PCDH15: variants seen among roughly 807,000 people sequenced by gnomAD.
PCDH15 encodes the protein protocadherin-15.
PCDH15 carries 129 observed loss-of-function variants against 178.5 expected under a neutral mutation model. That is an observed-to-expected ratio of 0.72 (90% confidence interval 0.63 to 0.84). PCDH15 has a LOEUF of 0.84. Ranked by LOEUF, PCDH15 falls within the 40% of genes least tolerant of loss-of-function variation. The probability of loss-of-function intolerance (pLI) is 0.00; values close to 1 mark genes in which losing one functional copy is unlikely to be tolerated. For missense variants in PCDH15, 2,230 were observed against 2,099.9 expected (o/e 1.06, Z -1.21); for synonymous variants, 800 against 732.0 (o/e 1.09, Z -1.50).
chr10:55,187,685 C>A (rs998401666), intron 1 of PCDH15, among the ~76,000 whole-genome samples: 2 of 151,878 alleles, frequency 1.3e-5, no homozygotes, highest in Non-Finnish European at 2.9e-5. Flanking sequence ...GTTTAAGTGA[C>A]CTATGAGCCA....
chr10:55,224,298 TG>T (rs1401711441), intron 1 of PCDH15, among the ~76,000 whole-genome samples: 2 of 152,152 alleles, frequency 1.3e-5, no homozygotes, highest in Non-Finnish European at 2.9e-5. Flanking sequence ...CTTTGCAATG[TG>T]ACTTCACAAA....
At chr10:53,890,813 A>T (rs1439090599) in intron 26 of PCDH15, among the ~76,000 whole-genome samples, 1 of 152,124 alleles carries the variant, frequency 6.6e-6, no homozygotes, top group African/African-American at 2.4e-5. Context: ...CAATTCTCAG[A>T]TTTTCAGTGA....
chr10:55,548,911 G>C (rs973996734), intron 2 of PCDH15, among the ~76,000 whole-genome samples: 1 of 152,046 alleles, frequency 6.6e-6, no homozygotes, highest in Non-Finnish European at 1.5e-5. Flanking sequence ...AAGAGATAAA[G>C]TGCTTTAAAA....
At chr10:55,450,727 A>C (rs924096237) in intron 2 of PCDH15, among the ~76,000 whole-genome samples, 1 of 151,932 alleles carries the variant, frequency 6.6e-6, no homozygotes, top group Non-Finnish European at 1.5e-5. Context: ...GTTGTTTGAT[A>C]AGGTATATGT....
chr10:55,082,801 CA>C (rs1842076466), intron 2 of PCDH15, among the ~76,000 whole-genome samples: 1 of 151,634 alleles, frequency 6.6e-6, no homozygotes, highest in South Asian at 2.1e-4. Flanking sequence ...ATTGGGAATA[CA>C]TTGATAAATG....
At chr10:54,643,211 C>T (rs1413438604) in intron 2 of PCDH15, among the ~76,000 whole-genome samples, 1 of 152,182 alleles carries the variant, frequency 6.6e-6, no homozygotes, top group Non-Finnish European at 1.5e-5. Context: ...AGGTGTGAGC[C>T]ACCACACCCA....
rs79288315 is a variant in PCDH15 at position 55,219,342 on chromosome 10, G to A, written c.-155-52691C>T. ...TTTCATCTCAAAATGGTTCCCGGTT[G>A]CAAGATAAATTCTATACTTATATTA... On this transcript the variant is annotated intron_variant, in intron 1 of 5. Transcript: ENST00000458638. Among the ~76,000 whole-genome samples, 1,119 of 151,886 alleles carry A rather than the reference G, an allele frequency of 7.4e-3. 22 individuals are homozygous for A. Among genetic ancestry groups the A allele is most frequent in the African/African-American group, 0.026 (1,056 of 41,338 alleles).
chr10:53,929,262 C>T (rs2084832615), intron 25 of PCDH15, among the ~76,000 whole-genome samples: 1 of 151,952 alleles, frequency 6.6e-6, no homozygotes, highest in South Asian at 2.1e-4. Flanking sequence ...GCAATTTTTT[C>T]TTGGACAGAC....
At chr10:54,162,948 A>T (rs757763503) in intron 13 of PCDH15, among the ~76,000 whole-genome samples, 2 of 150,954 alleles carry the variant, frequency 1.3e-5, no homozygotes, top group Non-Finnish European at 3.0e-5. Flanking sequence ...GCCTCACCAG[A>T]TGTGTTTAAG....
intron 2 of PCDH15, chr10:55,599,762 T>C: frequency 2.3e-6 from 1 of 426,728 alleles, no homozygotes; most frequent in Non-Finnish European, 4.1e-6. Flanking sequence ...TCACCCCATC[T>C]CTCTACCAAA....
At chr10:54,655,595 A>G (rs2094388804) in intron 2 of PCDH15, 1 of 152,052 alleles carries the variant, frequency 6.6e-6, no homozygotes, top group South Asian at 2.1e-4. Context: ...AACAGAGTCT[A>G]TTACTGGAAT....
rs750120473 is a variant in PCDH15, at chr10:54,185,273, G to GA, written c.1306-6dup. 585 of 1,611,912 alleles carry GA rather than the reference G, an allele frequency of 3.6e-4. No individual in the cohort carries two copies. Among genetic ancestry groups the GA allele is most frequent in the Non-Finnish European group, 4.6e-4 (546 of 1,178,922 alleles). ...GTGAAGCTCTGGGTCTTTTGTCTTTGAAAAAAAATGACATCGTTTCAAACG... is the reference window on the plus strand; with the variant it reads ...GTGAAGCTCTGGGTCTTTTGTCTTTGAAAAAAAAATGACATCGTTTCAAACG... On this transcript the variant is annotated splice_region_variant and splice_polypyrimidine_tract_variant and intron_variant, in intron 11 of 37. Coordinates refer to ENST00000644397, the MANE Select transcript of PCDH15 (RefSeq NM_001384140.1).
intron 2 of PCDH15, among the ~76,000 whole-genome samples, chr10:54,619,860 C>G (rs1422698281): frequency 1.3e-5 from 2 of 151,940 alleles, no homozygotes; most frequent in African/African-American, 4.8e-5. Flanking sequence ...AGAGTAGGTT[C>G]ACTGATTGTG....
intron 1 of PCDH15, among the ~76,000 whole-genome samples, chr10:55,169,838 G>GA (rs1268447416): frequency 1.3e-5 from 2 of 152,056 alleles, no homozygotes; most frequent in African/African-American, 4.8e-5. Flanking sequence ...ATTGAATTTT[G>GA]AAAATCCTTA....
chr10:55,486,047 C>G (rs919284474), intron 2 of PCDH15, among the ~76,000 whole-genome samples: 2 of 151,690 alleles, frequency 1.3e-5, no homozygotes, highest in African/African-American at 4.8e-5. Context: ...CTTTGCAATT[C>G]TACTGGGAGG....
At chr10:54,621,799 G>A (rs182157840) in intron 2 of PCDH15, among the ~76,000 whole-genome samples, 1 of 151,934 alleles carries the variant, frequency 6.6e-6, no homozygotes, top group African/African-American at 2.4e-5. Flanking sequence ...CAAAAATGTG[G>A]GCAGGAAGAA....
intron 3 of PCDH15, among the ~76,000 whole-genome samples, chr10:54,417,800 G>A (rs1206389298): frequency 1.3e-5 from 2 of 151,938 alleles, no homozygotes; most frequent in East Asian, 1.9e-4. Flanking sequence ...AAAAATATTT[G>A]ATCATTCACA....
chr10:53,809,900 C>T (rs1278549436), intron 37 of PCDH15, among the ~76,000 whole-genome samples: 2 of 152,060 alleles, frequency 1.3e-5, no homozygotes, highest in African/African-American at 2.4e-5. Flanking sequence ...TCTGTATTCC[C>T]TTGAACTAAA....
At chr10:54,876,356 C>T (rs1171773171) in intron 3 of PCDH15, among the ~76,000 whole-genome samples, 1 of 152,126 alleles carries the variant, frequency 6.6e-6, no homozygotes, top group Non-Finnish European at 1.5e-5. Context: ...AATGCAATAT[C>T]CATTCTGCAG....
Sources: allele counts gnomAD v4.1 joint callset (sites outside exome capture counted in the v4.1 genomes callset), GRCh38; gene constraint gnomAD v4.1.1; transcripts MANE v1.5; gene names NCBI Gene and HGNC (gene_info 2026-07-23, HGNC 2026-07-21).